Variants in PRKAG2 observed in about 807,000 individuals in gnomAD.
PRKAG2 encodes the protein 5'-AMP-activated protein kinase subunit gamma-2.
Under a neutral mutation model 69.6 loss-of-function variants are expected in PRKAG2, and 26 were observed. That is an observed-to-expected ratio of 0.37 (90% CI 0.27 to 0.52). The LOEUF is 0.52. Among genes scored for constraint, PRKAG2 ranks in the 20% least tolerant of loss-of-function variants. The pLI is 0.90. For missense variants in PRKAG2, 557 were observed against 740.0 expected (o/e 0.75, Z 2.87); for synonymous variants, 293 against 285.0 (o/e 1.03, Z -0.28).
chr7:151,627,931 T>C (rs965373382), intron 5 of PRKAG2, among the ~76,000 whole-genome samples: 5 of 152,188 alleles, frequency 3.3e-5, no homozygotes, highest in African/African-American at 9.7e-5. Flanking sequence ...CCCAAAGTGC[T>C]GGGATTACAA....
intron 1 of PRKAG2, among the ~76,000 whole-genome samples, chr7:151,800,569 C>T (rs527595281): frequency 2.8e-4 from 42 of 152,302 alleles, no homozygotes; most frequent in Non-Finnish European, 3.5e-4. Context: ...TCACTGCCAC[C>T]TGGTGGGTAC....
intron 3 of PRKAG2, among the ~76,000 whole-genome samples, chr7:151,753,347 G>A (rs2074846552): frequency 6.6e-6 from 1 of 152,150 alleles, no homozygotes; most frequent in Non-Finnish European, 1.5e-5. Context: ...GAATGACCCT[G>A]TTTTTATGAA....
intron 5 of PRKAG2, among the ~76,000 whole-genome samples, chr7:151,621,280 A>T (rs1821421760): frequency 6.6e-6 from 1 of 152,180 alleles, no homozygotes; most frequent in Non-Finnish European, 1.5e-5. Flanking sequence ...TAAGGCATTA[A>T]CTGTTCCTGA....
At chr7:151,644,884 G>T (rs1168397432) in intron 4 of PRKAG2, among the ~76,000 whole-genome samples, 1 of 152,132 alleles carries the variant, frequency 6.6e-6, no homozygotes, top group Non-Finnish European at 1.5e-5. Flanking sequence ...TCATTCTAGT[G>T]GGTGTATAGG....
intron 3 of PRKAG2, among the ~76,000 whole-genome samples, chr7:151,763,838 G>A (rs2075575414): frequency 6.6e-6 from 1 of 152,216 alleles, no homozygotes; most frequent in Admixed American, 6.5e-5. Flanking sequence ...GTCACCTGAC[G>A]AGCCCTAACA....
intron 3 of PRKAG2, among the ~76,000 whole-genome samples, chr7:151,701,748 C>G (rs1837725245): frequency 6.6e-6 from 1 of 151,020 alleles, no homozygotes. Context: ...GAGGCTGAGG[C>G]AGGAGAATGG....
chr7:151,821,203 G>T (rs2078771046), intron 1 of PRKAG2, among the ~76,000 whole-genome samples: 1 of 152,238 alleles, frequency 6.6e-6, no homozygotes, highest in Non-Finnish European at 1.5e-5. Flanking sequence ...TAAGACTGAA[G>T]CTAAGATAAG....
chr7:151,862,292 C>T (rs960621012), intron 1 of PRKAG2, among the ~76,000 whole-genome samples: 1 of 152,136 alleles, frequency 6.6e-6, no homozygotes, highest in African/African-American at 2.4e-5. Flanking sequence ...CTAAAATCTG[C>T]CCCTTTTTTT....
chr7:151,641,273 G>T (rs1302780094), intron 4 of PRKAG2, among the ~76,000 whole-genome samples: 1 of 121,384 alleles, frequency 8.2e-6, no homozygotes, highest in East Asian at 3.4e-4. Flanking sequence ...TTTTGAGATG[G>T]AGTCTCGCTC....
chr7:151,663,935 G>T (rs772079210), intron 4 of PRKAG2, among the ~76,000 whole-genome samples: 7 of 152,232 alleles, frequency 4.6e-5, no homozygotes, highest in Non-Finnish European at 7.3e-5. Flanking sequence ...TTTCGGCTTT[G>T]TGAGCCATAT....
intron 2 of PRKAG2, among the ~76,000 whole-genome samples, chr7:151,784,255 G>A (rs1342313538): frequency 1.3e-5 from 2 of 152,214 alleles, no homozygotes; most frequent in African/African-American, 4.8e-5. Context: ...TGCTGGAAAG[G>A]TGAGCCCGGA....
At chr7:151,565,968 A>G (rs901298158) in intron 11 of PRKAG2, 83 bp from the exon 12 acceptor site, 16 of 1,478,304 alleles carry the variant, frequency 1.1e-5, no homozygotes, top group Middle Eastern at 1.7e-4. Context: ...ATGAAAAAGT[A>G]TGTCCAACAA....
chr7:151,592,309 T>C (rs1813392833), intron 6 of PRKAG2, among the ~76,000 whole-genome samples: 1 of 152,226 alleles, frequency 6.6e-6, no homozygotes, highest in African/African-American at 2.4e-5. Context: ...AGTTGGACAT[T>C]TGATTTCCAC....
intron 1 of PRKAG2, among the ~76,000 whole-genome samples, chr7:151,822,839 C>T (rs2078819780): frequency 6.7e-6 from 1 of 149,338 alleles, no homozygotes; most frequent in Non-Finnish European, 1.5e-5. Flanking sequence ...CTCCCTCCCT[C>T]CCCACAAAAG....
intron 3 of PRKAG2, among the ~76,000 whole-genome samples, chr7:151,731,884 C>T (rs1023440021): frequency 2.0e-5 from 3 of 152,206 alleles, no homozygotes; most frequent in East Asian, 1.9e-4. Flanking sequence ...GTCTCCCAGG[C>T]TGGAGTGCAG....
intron 1 of PRKAG2, among the ~76,000 whole-genome samples, chr7:151,871,785 AGAG>A (rs1415158187): frequency 3.3e-5 from 5 of 152,144 alleles, no homozygotes; most frequent in Non-Finnish European, 7.3e-5. Flanking sequence ...AGAGCCCGAG[AGAG>A]GAGGTTTGCA....
Position 151,758,430 on chromosome 7 carries a change from T to C in PRKAG2, c.466+22722A>G, listed in dbSNP as rs564807865. Among the ~76,000 whole-genome samples the C allele has an allele frequency of 1.4e-4, 22 of 152,366 alleles. No individual in the cohort carries two copies. In the South Asian group the frequency reaches 4.6e-3, roughly 32 times the overall value. On this transcript the variant is annotated intron_variant, in intron 3 of 15. Coordinates refer to ENST00000287878, the MANE Select transcript of PRKAG2 (RefSeq NM_016203.4). ...ATGAGATAAATGTGTCAACTACCCC[T>C]GAACTATGTCACCTTTAAGTTCTAT...
chr7:151,634,950 T>G (rs1377994796), intron 4 of PRKAG2, among the ~76,000 whole-genome samples: 1 of 143,806 alleles, frequency 7.0e-6, no homozygotes, highest in Non-Finnish European at 1.5e-5. Flanking sequence ...TTTTTTTTTT[T>G]TTTTTTCTTT....
intron 4 of PRKAG2, among the ~76,000 whole-genome samples, chr7:151,664,167 G>C (rs1830702046): frequency 6.6e-6 from 1 of 152,194 alleles, no homozygotes; most frequent in South Asian, 2.1e-4. Flanking sequence ...GATCTCTCCA[G>C]AGGTGACGGA....
Sources: gnomAD v4.1 joint callset for allele counts (sites outside exome capture counted in the v4.1 genomes callset) on GRCh38, gnomAD v4.1.1 for gene constraint, MANE v1.5 for transcripts, NCBI Gene and HGNC (gene_info 2026-07-23, HGNC 2026-07-21) for gene names.